The following MAPK4 variants were observed in gnomAD, a reference collection of about 807,000 sequenced individuals.
MAPK4 encodes mitogen-activated protein kinase 4.
A neutral mutation model predicts 47.7 loss-of-function variants in MAPK4; 22 were observed. That is an observed-to-expected ratio of 0.46 (90% CI 0.33 to 0.66). The LOEUF (loss-of-function observed/expected upper bound fraction) is 0.66, where lower values mean the gene tolerates loss of function less well. Ranked by LOEUF, MAPK4 falls within the 30% of genes least tolerant of loss-of-function variation. MAPK4 has a pLI of 0.02. For synonymous variants in MAPK4, 390 were observed against 365.7 expected (o/e 1.07, Z -0.76); for missense variants, 736 against 831.7 (o/e 0.88, Z 1.42).
At chr18:50,696,158 G>T (rs969242599) in intron 2 of MAPK4, among the ~76,000 whole-genome samples, 1 of 151,660 alleles carries the variant, frequency 6.6e-6, no homozygotes, top group African/African-American at 2.4e-5. Flanking sequence ...CTTACCCTGT[G>T]CTGGAGCTCC....
chr18:50,729,527 G>T lies in MAPK4; in HGVS notation c.1437G>T (p.Thr479=). ...APPTATGLAD[T]GAREDEPASL... is the part of the protein sequence containing the mutation. ...CCACGGCCACGGGGCTGGCGGACAC[G>T]GGGGCGCGCGAGGACGAGCCGGCCA... Residue 479 remains threonine (T), a synonymous_variant, in exon 6 of 6, where the codon ACG becomes ACT. Coordinates refer to ENST00000400384, the MANE Select transcript of MAPK4 (RefSeq NM_002747.4). The T allele has an allele frequency of 7.0e-7, 1 of 1,434,810 alleles. No homozygotes were observed. 88.9% of individuals were successfully genotyped at this position (1,434,810 alleles called of 1,614,324 possible).
chr18:50,687,914 A>C lies in MAPK4; in HGVS notation c.546+23410A>C, dbSNP rs556578064. Among the ~76,000 whole-genome samples, 8 of 152,234 alleles carry C rather than the reference A, an allele frequency of 5.3e-5. No homozygotes were observed. The South Asian group carries it at 1.7e-3, about 32-fold the overall frequency. ...GGTGTCTCCTGGGTCCTAGGAAAAA[A>C]AAGAGAAAGCCCTGGTTTAACCTTT... On this transcript the variant is annotated intron_variant, in intron 2 of 5. Coordinates refer to ENST00000400384, the MANE Select transcript of MAPK4 (RefSeq NM_002747.4).
intron 1 of MAPK4, among the ~76,000 whole-genome samples, chr18:50,627,084 C>T (rs1381999222): frequency 7.2e-6 from 1 of 138,172 alleles, no homozygotes; most frequent in Admixed American, 7.4e-5. Context: ...ACATGGCCTC[C>T]ATTTCCGCTC....
At chr18:50,589,800 C>T (rs1051672346) in intron 1 of MAPK4, among the ~76,000 whole-genome samples, 5 of 152,168 alleles carry the variant, frequency 3.3e-5, no homozygotes, top group South Asian at 2.1e-4. Flanking sequence ...CTCTTAATTG[C>T]GCTGAGAGAA....
intron 1 of MAPK4, among the ~76,000 whole-genome samples, chr18:50,624,451 T>TC: frequency 6.6e-6 from 1 of 152,330 alleles, no homozygotes; most frequent in East Asian, 1.9e-4. Context: ...GTGGAGCTAT[T>TC]CCATGATGTT....
chr18:50,595,429 C>T (rs2042473332), intron 1 of MAPK4, among the ~76,000 whole-genome samples: 1 of 152,116 alleles, frequency 6.6e-6, no homozygotes, highest in African/African-American at 2.4e-5. Context: ...AATGAAAAAT[C>T]CAGGAAAAAA....
chr18:50,607,770 A>C (rs544823121), intron 1 of MAPK4, among the ~76,000 whole-genome samples: 2 of 152,308 alleles, frequency 1.3e-5, no homozygotes, highest in South Asian at 4.1e-4. Context: ...GGAAAAAATC[A>C]TTTATATTCT....
At chr18:50,721,587 G>A (rs1217462136) in intron 3 of MAPK4, among the ~76,000 whole-genome samples, 5 of 152,208 alleles carry the variant, frequency 3.3e-5, no homozygotes, top group Non-Finnish European at 4.4e-5. Flanking sequence ...AGATTGTGCA[G>A]AGAGGTCTAT....
intron 2 of MAPK4, among the ~76,000 whole-genome samples, chr18:50,681,077 T>C (rs1371331669): frequency 2.0e-5 from 3 of 151,110 alleles, no homozygotes; most frequent in Non-Finnish European, 2.9e-5. Context: ...ACCAACACTT[T>C]TTTTTTTTTA....
chr18:50,615,303 A>C (rs569838354), intron 1 of MAPK4, among the ~76,000 whole-genome samples: 30 of 152,138 alleles, frequency 2.0e-4, no homozygotes, highest in Non-Finnish European at 4.0e-4. Context: ...TAGTTGTTTA[A>C]ACAATTCAGA....
chr18:50,666,359 G>T (rs1359756448), intron 2 of MAPK4, among the ~76,000 whole-genome samples: 1 of 152,188 alleles, frequency 6.6e-6, no homozygotes, highest in Non-Finnish European at 1.5e-5. Flanking sequence ...CTTTGACAGG[G>T]ATAATAATTG....
intron 1 of MAPK4, among the ~76,000 whole-genome samples, chr18:50,611,250 T>G (rs935797391): frequency 1.3e-5 from 2 of 152,234 alleles, no homozygotes; most frequent in Non-Finnish European, 2.9e-5. Context: ...ATATACTCAC[T>G]TAGAGACACC....
At chr18:50,613,905 TG>T (rs1481018136) in intron 1 of MAPK4, among the ~76,000 whole-genome samples, 11 of 152,174 alleles carry the variant, frequency 7.2e-5, no homozygotes, top group Admixed American at 3.9e-4. Flanking sequence ...TTCTAACATT[TG>T]TAGAGCTCAG....
intron 1 of MAPK4, among the ~76,000 whole-genome samples, chr18:50,570,272 T>G (rs1298082441): frequency 6.6e-6 from 1 of 152,182 alleles, no homozygotes; most frequent in Non-Finnish European, 1.5e-5. Context: ...CATAGCCACA[T>G]GTAGATATAT....
At chr18:50,688,330 T>C (rs1909004893) in intron 2 of MAPK4, among the ~76,000 whole-genome samples, 1 of 152,154 alleles carries the variant, frequency 6.6e-6, no homozygotes, top group Non-Finnish European at 1.5e-5. Flanking sequence ...AAAGCTGCTT[T>C]AGACTGGAAA....
At chr18:50,704,629 A>C (rs1909955525) in intron 2 of MAPK4, 2 of 398,672 alleles carry the variant, frequency 5.0e-6, no homozygotes, top group Middle Eastern at 6.3e-4. Flanking sequence ...CGTTCTCTGC[A>C]AGTCAAACTG....
intron 1 of MAPK4, among the ~76,000 whole-genome samples, chr18:50,641,976 C>A (rs1427650082): frequency 6.6e-6 from 1 of 152,142 alleles, no homozygotes; most frequent in Non-Finnish European, 1.5e-5. Flanking sequence ...CTTCCGAAAG[C>A]CCTTTAGACC....
At chr18:50,594,146 GAAGAC>G (rs2042461975) in intron 1 of MAPK4, among the ~76,000 whole-genome samples, 1 of 152,188 alleles carries the variant, frequency 6.6e-6, no homozygotes, top group African/African-American at 2.4e-5. Context: ...ATGAAAGCCG[GAAGAC>G]TCAGCAAGGC....
At chr18:50,632,831 G>A (rs533597193) in intron 1 of MAPK4, among the ~76,000 whole-genome samples, 6 of 152,166 alleles carry the variant, frequency 3.9e-5, no homozygotes, top group East Asian at 1.9e-4. Context: ...TGTTGGCCAG[G>A]CTGGTCTCAA....
Sources: gnomAD v4.1 joint callset for allele counts (sites outside exome capture counted in the v4.1 genomes callset) on GRCh38, gnomAD v4.1.1 for gene constraint, MANE v1.5 for transcripts, NCBI Gene and HGNC (gene_info 2026-07-23, HGNC 2026-07-21) for gene names.